TLL1: variants seen among roughly 807,000 people sequenced by gnomAD.
TLL1 encodes tolloid like 1.
A neutral mutation model predicts 128.2 loss-of-function variants in TLL1; 49 were observed. The ratio of observed to expected loss-of-function variants is 0.38; its 90% CI spans 0.30 to 0.48. TLL1 has a LOEUF of 0.48. Ranked by LOEUF, TLL1 falls within the 20% of genes least tolerant of loss-of-function variation. The pLI, the probability that TLL1 is intolerant of heterozygous loss-of-function variation, is 0.96. For synonymous variants in TLL1, 454 were observed against 418.8 expected (o/e 1.08, Z -1.03); for missense variants, 1,123 against 1,242.0 (o/e 0.90, Z 1.44).
intron 1 of TLL1, among the ~76,000 whole-genome samples, chr4:165,962,422 C>T (rs1333045552): frequency 1.3e-5 from 2 of 152,110 alleles, no homozygotes; most frequent in African/African-American, 2.4e-5. Context: ...CAAATAATAA[C>T]AGGTGTTGGC....
At chr4:166,041,394 G>C (rs562367155) in intron 10 of TLL1, among the ~76,000 whole-genome samples, 1 of 150,700 alleles carries the variant, frequency 6.6e-6, no homozygotes, top group African/African-American at 2.4e-5. Flanking sequence ...TCTGCCTCTC[G>C]GACTCAAGCG....
At chr4:166,041,688 C>A in intron 10 of TLL1, among the ~76,000 whole-genome samples, 1 of 152,134 alleles carries the variant, frequency 6.6e-6, no homozygotes, top group East Asian at 1.9e-4. Context: ...CACCTTTTTT[C>A]TGTTCCCCAT....
chr4:166,054,629 T>C lies in TLL1; in HGVS notation c.1525-447T>C, dbSNP rs141138477. 2.8e-3 allele frequency among the ~76,000 whole-genome samples: 397 copies of C among 141,666 alleles called. 1 individual carries two copies. The highest frequency in any genetic ancestry group is 9.8e-3 in the African/African-American group (373 of 38,168). The allele number at this position is 141,666 out of a possible 152,430, so 92.9% of individuals were successfully genotyped here. A position where few individuals can be genotyped will look rare whatever the true frequency, so the allele number is the denominator to read the frequency against. ...CCCTTCCTGAGTCCATGTGATCTCA[T>C]TGTTCAATTCCCACCTATGAGTGAG... On this transcript the variant is annotated intron_variant, in intron 12 of 20. Coordinates refer to ENST00000061240, the MANE Select transcript of TLL1 (RefSeq NM_012464.5).
At chr4:165,875,621 G>A (rs1384445355) in intron 1 of TLL1, among the ~76,000 whole-genome samples, 1 of 152,212 alleles carries the variant, frequency 6.6e-6, no homozygotes, top group Non-Finnish European at 1.5e-5. Flanking sequence ...TGTGGTGGGT[G>A]ACTAGTGGCT....
intron 17 of TLL1, 126 bp from the exon 18 acceptor site, chr4:166,077,777 G>T (rs375953939): frequency 1.6e-6 from 2 of 1,257,062 alleles, no homozygotes; most frequent in Non-Finnish European, 2.3e-6. Context: ...AACCGACACG[G>T]GAGTGAAAAT....
At position 166,014,527 on chromosome 4, in the gene TLL1, A is replaced by G. The variant is rs116699847; in HGVS notation, c.1009A>G (p.Ile337Val). ...GQRTRLSKGD[I>V]AQARKLYRCP... is the part of the protein sequence containing the mutation. The stretch of plus-strand genomic sequence containing the variant: ...GCGAACCCGTCTAAGCAAAGGAGAT[A>G]TCGCACAGGCAAGAAAGCTGTATAG... The change falls in exon 8 of 21, where the codon ATC becomes GTC. Residue 337 changes from isoleucine to valine, a missense_variant. By Grantham distance (29) the Ile-to-Val change is conservative (BLOSUM62 3). Transcript: ENST00000061240. 5.0e-6 allele frequency: 8 copies of G among 1,612,392 alleles called. No individual in the cohort carries two copies. The East Asian group carries it at 1.8e-4, about 36-fold the overall frequency.
At chr4:166,022,219 C>T (rs1298577613) in intron 8 of TLL1, among the ~76,000 whole-genome samples, 1 of 150,798 alleles carries the variant, frequency 6.6e-6, no homozygotes, top group East Asian at 2.0e-4. Flanking sequence ...GGCTGGAGTG[C>T]AGTGATGCAA....
chr4:165,917,808 T>C (rs1305071284), intron 1 of TLL1, among the ~76,000 whole-genome samples: 75 of 152,206 alleles, frequency 4.9e-4, no homozygotes, highest in Non-Finnish European at 4.4e-5. Context: ...CATTGATTAC[T>C]GCTTTTCAGT....
chr4:165,894,977 A>G (rs1731606081), intron 1 of TLL1, among the ~76,000 whole-genome samples: 1 of 151,922 alleles, frequency 6.6e-6, no homozygotes, highest in African/African-American at 2.4e-5. Context: ...TATATAATAA[A>G]CAGATTGTGT....
chr4:165,912,300 G>C lies in TLL1; in HGVS notation c.169+38227G>C, dbSNP rs1452263454. On this transcript the variant is annotated intron_variant, in intron 1 of 20. Coordinates refer to ENST00000061240, the MANE Select transcript of TLL1 (RefSeq NM_012464.5). ...ACACACTGTGTTATTCAGATGTCCA[G>C]CTTGAGTGTCTGACTTCCACTTCTG... Among the ~76,000 whole-genome samples, 5 of 152,256 alleles carry C rather than the reference G, an allele frequency of 3.3e-5. No homozygotes were observed. The East Asian group carries it at 9.7e-4, about 29-fold the overall frequency.
intron 1 of TLL1, among the ~76,000 whole-genome samples, chr4:165,891,079 G>T (rs1731380534): frequency 6.6e-6 from 1 of 152,128 alleles, no homozygotes; most frequent in Non-Finnish European, 1.5e-5. Flanking sequence ...AATGGCCTGA[G>T]CTGCATATTT....
At position 165,998,174 on chromosome 4, in the gene TLL1, ATGAT is replaced by A. The variant is rs538638166; in HGVS notation, c.632+3002_632+3005del. 1.9e-4 allele frequency among the ~76,000 whole-genome samples: 29 copies of A among 152,182 alleles called. No individual in the cohort carries two copies. In the East Asian group the frequency reaches 5.0e-3, roughly 26 times the overall value. The stretch of plus-strand genomic sequence containing the variant: ...CAGTGGCATTTATTTATTTTGCAAG[ATGAT>A]TGATTATTATTAGCAAAATGTGAGA... On this transcript the variant is annotated intron_variant, in intron 5 of 20. Coordinates refer to ENST00000061240, the MANE Select transcript of TLL1 (RefSeq NM_012464.5).
chr4:165,979,165 T>C (rs1469216190), intron 1 of TLL1, among the ~76,000 whole-genome samples: 5 of 152,188 alleles, frequency 3.3e-5, no homozygotes, highest in African/African-American at 1.2e-4. Context: ...ATGCATATCC[T>C]ATGACCCACT....
chr4:165,901,761 G>A (rs1385924330), intron 1 of TLL1, among the ~76,000 whole-genome samples: 1 of 152,212 alleles, frequency 6.6e-6, no homozygotes, highest in Non-Finnish European at 1.5e-5. Flanking sequence ...CCTTAGCAGA[G>A]CTGGAGTGCT....
chr4:165,969,563 G>A (rs553297602), intron 1 of TLL1, among the ~76,000 whole-genome samples: 49 of 152,234 alleles, frequency 3.2e-4, no homozygotes, highest in Admixed American at 5.2e-4. Context: ...TGAGAAAAAC[G>A]TATGAAAAAT....
At chr4:165,885,950 G>A (rs1243747031) in intron 1 of TLL1, among the ~76,000 whole-genome samples, 1 of 151,908 alleles carries the variant, frequency 6.6e-6, no homozygotes, top group Non-Finnish European at 1.5e-5. Flanking sequence ...TGCCACAATT[G>A]GATGTTGTTA....
chr4:166,049,241 A>G (rs1184866276), intron 12 of TLL1, among the ~76,000 whole-genome samples: 1 of 152,212 alleles, frequency 6.6e-6, no homozygotes, highest in African/African-American at 2.4e-5. Context: ...CACAACTGGT[A>G]GCACTATGAT....
chr4:166,039,285 T>C (rs1397096982), intron 9 of TLL1, 54 bp from the exon 10 acceptor site: 1 of 1,249,394 alleles, frequency 8.0e-7, no homozygotes, highest in Non-Finnish European at 1.2e-6. Flanking sequence ...ATCAAATCAC[T>C]ATATGTAGAT....
chr4:165,984,398 T>C (rs201655937), intron 1 of TLL1, among the ~76,000 whole-genome samples: 1 of 151,980 alleles, frequency 6.6e-6, no homozygotes, highest in East Asian at 1.9e-4. Context: ...CTTAGAACTT[T>C]TGCCAAGTCT....
Sources: allele counts gnomAD v4.1 joint callset (sites outside exome capture counted in the v4.1 genomes callset), GRCh38; gene constraint gnomAD v4.1.1; transcripts MANE v1.5; gene names NCBI Gene and HGNC (gene_info 2026-07-23, HGNC 2026-07-21).